Variants in MAP3K11 observed in about 807,000 individuals in gnomAD.
MAP3K11 encodes the protein mitogen-activated protein kinase kinase kinase 11, also known as SH3 domain-containing proline-rich kinase.
Under a neutral mutation model 84.9 loss-of-function variants are expected in MAP3K11, and 46 were observed. The observed-to-expected ratio is 0.54, with a 90% CI of 0.43 to 0.69. The LOEUF is 0.69. Ranked by LOEUF, MAP3K11 falls within the 30% of genes least tolerant of loss-of-function variation. The pLI, the probability that MAP3K11 is intolerant of heterozygous loss-of-function variation, is 0.00. For synonymous variants in MAP3K11, 527 were observed against 514.7 expected, an observed-to-expected ratio of 1.02 and a Z score of -0.32; for missense variants, 1,053 against 1,198.3, an observed-to-expected ratio of 0.88 and a Z score of 1.79.
rs139170020 is a variant in MAP3K11, at chr11:65,608,295, G to A, written c.893C>T (p.Thr298Ile). The change falls in exon 2 of 10, where the codon ACC becomes ATC. Residue 298 changes from threonine to isoleucine, a missense_variant. Thr to Ile is a moderately conservative substitution (Grantham distance 89). Coordinates refer to ENST00000309100, the MANE Select transcript of MAP3K11 (RefSeq NM_002419.4). ...WMAPEVIKAS[T>I]FSKGSDVWSF... ...CCAGACGTCACTGCCCTTAGAGAAGGTGGAGGCCTTGATAACCTCAGGAGC... is the reference window on the plus strand; with the variant it reads ...CCAGACGTCACTGCCCTTAGAGAAGATGGAGGCCTTGATAACCTCAGGAGC... 1.9e-6 allele frequency: 3 copies of A among 1,614,070 alleles called. No individual in the cohort carries two copies. Among genetic ancestry groups the A allele is most frequent in the South Asian group, 1.1e-5 (1 of 91,090 alleles).
At position 65,607,358 on chromosome 11, in the gene MAP3K11, C is replaced by T. The variant is rs760647641; in HGVS notation, c.1401G>A (p.Glu467=). ...CGCGGCGGCGGCGCACGTGCGGTCG[C>T]TCGCGGTCCACCTGCTGCAGCAGCA... ...LTLLLQQVDR[E]RPHVRRRRGT... The change falls in exon 5 of 10, where the codon GAG becomes GAA. Residue 467 remains glutamate, a synonymous_variant. Transcript: ENST00000309100. 137 of 1,499,850 alleles carry T rather than the reference C, an allele frequency of 9.1e-5. No homozygotes were observed. The highest frequency in any genetic ancestry group is 1.1e-4 in the Non-Finnish European group (126 of 1,132,732). The allele number at this position is 1,499,850 out of a possible 1,614,324, so 92.9% of individuals were successfully genotyped here. A position where few individuals can be genotyped will look rare whatever the true frequency, so the allele number is the denominator to read the frequency against.
At chr11:65,598,837 C>T (rs1478012022) in intron 9 of MAP3K11, among the ~76,000 whole-genome samples, 3 of 152,140 alleles carry the variant, frequency 2.0e-5, no homozygotes, top group Non-Finnish European at 4.4e-5. Context: ...ATGTGGATCC[C>T]GGCCCTGCCA....
chr11:65,607,951 C>T lies in MAP3K11; in HGVS notation c.1040G>A (p.Cys347Tyr). 4.3e-6 allele frequency: 7 copies of T among 1,614,148 alleles called. No homozygotes were observed. Among genetic ancestry groups the T allele is most frequent in the Middle Eastern group, 1.6e-4 (1 of 6,062 alleles). ...NKLTLPIPST[C>Y]PEPFAQLMAD... is the part of the protein sequence containing the mutation. ...CATAAGCTGTGCGAAGGGCTCGGGG[C>T]AGGTGGATGGGATGGGCAGTGTGAG... Residue 347 changes from cysteine (C) to tyrosine (Y), a missense_variant, in exon 3 of 10, where the codon TGC becomes TAC. Cys to Tyr is a radical substitution (Grantham distance 194). This residue lies in a region of MAP3K11 where 310 missense variants were observed against 464.5 expected (regional missense o/e 0.67). Coordinates refer to ENST00000309100, the MANE Select transcript of MAP3K11 (RefSeq NM_002419.4).
At position 65,605,740 on chromosome 11, in the gene MAP3K11, CG is replaced by C; in HGVS notation, c.1831+20del. 2 of 1,578,016 alleles carry C rather than the reference CG, an allele frequency of 1.3e-6. No homozygotes were observed. Among genetic ancestry groups the C allele is most frequent in the Non-Finnish European group, 1.7e-6 (2 of 1,157,630 alleles). On this transcript the variant is annotated intron_variant, in intron 8 of 9. Transcript: ENST00000309100. Reference sequence around the variant, plus strand: ...CGGAAGGAGCTCAGCCAGATCCTGCCGGGGGAGGAAGGCCACTCACCATTGA... The same window carrying C: ...CGGAAGGAGCTCAGCCAGATCCTGCCGGGGAGGAAGGCCACTCACCATTGA...
intron 1 of MAP3K11, 160 bp from the exon 2 acceptor site, chr11:65,608,608 C>T: frequency 3.3e-6 from 2 of 599,054 alleles, no homozygotes; most frequent in South Asian, 4.3e-5. Context: ...TCAGACATTT[C>T]TTTTCTTTTC....
Position 65,608,003 on chromosome 11 carries a change from C to A in MAP3K11, c.988G>T (p.Val330Leu), listed in dbSNP as rs371575835. 2 of 1,614,090 alleles carry A rather than the reference C, an allele frequency of 1.2e-6. No individual in the cohort carries two copies. The highest frequency in any genetic ancestry group is 2.7e-5 in the African/African-American group (2 of 74,942). ...VPYRGIDCLA[V>L]AYGVAVNKLT... ...TTGTTAACAGCTACGCCATAGGCCA[C>A]AGCAAGGCAGTCAATGCCACGGTAT... Residue 330 changes from valine to leucine, a missense_variant, in exon 3 of 10, where the codon GTG becomes TTG. Coordinates refer to ENST00000309100, the MANE Select transcript of MAP3K11 (RefSeq NM_002419.4).
intron 8 of MAP3K11, among the ~76,000 whole-genome samples, chr11:65,601,507 A>G (rs1221269006): frequency 2.6e-5 from 4 of 152,222 alleles, no homozygotes; most frequent in African/African-American, 9.6e-5. Flanking sequence ...CTGCAATCCC[A>G]GCACTTTGGG....
Position 65,613,586 on chromosome 11 carries a change from C to T in MAP3K11, c.171G>A (p.Gln57=), listed in dbSNP as rs1380129678. The T allele has an allele frequency of 6.2e-7, 1 of 1,613,006 alleles. No homozygotes were observed. Among genetic ancestry groups the T allele is most frequent in the African/African-American group, 1.3e-5 (1 of 74,948 alleles). Reference sequence around the variant, plus strand: ...CACCCTTCCTCAGGGCCAGCTCATCCTGCCCACTGGGCTCGTAGTCGAACA... The same window carrying T: ...CACCCTTCCTCAGGGCCAGCTCATCTTGCCCACTGGGCTCGTAGTCGAACA... ...TALFDYEPSG[Q]DELALRKGDR... The change falls in exon 1 of 10, where the codon CAG becomes CAA. Residue 57 remains glutamine (Q), a synonymous_variant. Coordinates refer to ENST00000309100, the MANE Select transcript of MAP3K11 (RefSeq NM_002419.4).
rs1734544111 is a variant in MAP3K11, at chr11:65,597,823, C to G, written c.*468G>C. Reference sequence around the variant, plus strand: ...TGGATCCCGAGGCTAAGACTCCAACCCTGGCTGGGGCAGCAGGAAGGCATC... The same window carrying G: ...TGGATCCCGAGGCTAAGACTCCAACGCTGGCTGGGGCAGCAGGAAGGCATC... On this transcript the variant is annotated 3_prime_UTR_variant, in exon 10 of 10. Transcript: ENST00000309100. 1 of 158,622 alleles carries G rather than the reference C, an allele frequency of 6.3e-6. No homozygotes were observed. The highest frequency in any genetic ancestry group is 1.4e-5 in the Non-Finnish European group (1 of 72,520). The allele number at this position is 158,622 out of a possible 1,614,324, so 9.8% of individuals were successfully genotyped here.
Position 65,613,922 on chromosome 11 carries a change from C to T in MAP3K11, c.-166G>A, listed in dbSNP as rs1409612237. ...GGAGCCAGGAGTGTTGTCTCCCGGC[C>T]CCCCGCATCTCGGGCTTCTGGAGGA... is the stretch of plus-strand genomic sequence containing the variant. On this transcript the variant is annotated 5_prime_UTR_variant, in exon 1 of 10. Transcript: ENST00000309100. 6 of 831,088 alleles carry T rather than the reference C, an allele frequency of 7.2e-6. No homozygotes were observed. The Admixed American group carries it at 1.3e-4, about 18-fold the overall frequency. The allele number at this position is 831,088 out of a possible 1,614,324, so 51.5% of individuals were successfully genotyped here. A position where few individuals can be genotyped will look rare whatever the true frequency, so the allele number is the denominator to read the frequency against.
chr11:65,603,538 TGA>T (rs1222058006), intron 8 of MAP3K11, among the ~76,000 whole-genome samples: 6 of 152,358 alleles, frequency 3.9e-5, no homozygotes, highest in East Asian at 1.9e-4. Context: ...AGGGTGTGTG[TGA>T]CTCTCCAGTG....
Position 65,599,540 on chromosome 11 carries a change from G to C in MAP3K11, c.2060C>G (p.Pro687Arg). 1 of 1,488,212 alleles carries C rather than the reference G, an allele frequency of 6.7e-7. No individual in the cohort carries two copies. The allele number at this position is 1,488,212 out of a possible 1,614,324, so 92.2% of individuals were successfully genotyped here. ...TPPTPTPAPC[P>R]TEPPPSPLIC... is the part of the protein sequence containing the mutation. ...GAGCGGGGAAGGGGGCGGCTCGGTC[G>C]GGCAGGGCGCGGGCGTTGGCGTGGG... Residue 687 changes from proline (P) to arginine (R), a missense_variant, in exon 9 of 10, where the codon CCG (proline) becomes CGG (arginine). Transcript: ENST00000309100.
intron 8 of MAP3K11, among the ~76,000 whole-genome samples, chr11:65,602,449 C>T (rs1242953433): frequency 6.6e-6 from 1 of 152,094 alleles, no homozygotes; most frequent in Non-Finnish European, 1.5e-5. Flanking sequence ...AGTTCGGGAC[C>T]AGCCTGGTCA....
Position 65,613,760 on chromosome 11 carries a change from C to A in MAP3K11, c.-4G>T. On this transcript the variant is annotated 5_prime_UTR_variant, in exon 1 of 10. Transcript: ENST00000309100. ...AGAGGCTCTTCAAGGGCTCCATGGC[C>A]GGGAGCCGGCGCTGGGATGTGTGGA... The A allele has an allele frequency of 6.5e-7, 1 of 1,538,396 alleles. No individual in the cohort carries two copies. The highest frequency in any genetic ancestry group is 1.2e-5 in the South Asian group (1 of 81,430).
At position 65,612,726 on chromosome 11, in the gene MAP3K11, T is replaced by C. The variant is rs114123593; in HGVS notation, c.739+292A>G. The C allele has an allele frequency of 2.2e-3, 709 of 320,592 alleles. 4 individuals carry two copies. Among genetic ancestry groups the C allele is most frequent in the African/African-American group, 0.013 (602 of 47,012 alleles). The allele number at this position is 320,592 out of a possible 1,614,324, so 19.9% of individuals were successfully genotyped here. On this transcript the variant is annotated intron_variant, in intron 1 of 9. Coordinates refer to ENST00000309100, the MANE Select transcript of MAP3K11 (RefSeq NM_002419.4). Reference sequence around the variant, plus strand: ...GAGGACTTCCTTGAGGTGGGAGCCATGGCTGGGCAGGATGCTTATGGCCCA... The same window carrying C: ...GAGGACTTCCTTGAGGTGGGAGCCACGGCTGGGCAGGATGCTTATGGCCCA...
intron 6 of MAP3K11, 56 bp downstream of exon 6, chr11:65,606,635 G>T: frequency 7.6e-7 from 1 of 1,320,444 alleles, no homozygotes; most frequent in South Asian, 1.4e-5. Flanking sequence ...AATAAGGTCT[G>T]ACAGAGAATA....
At chr11:65,598,777 C>A in intron 9 of MAP3K11, 149 bp from the exon 10 acceptor site, 1 of 549,414 alleles carries the variant, frequency 1.8e-6, no homozygotes, top group Non-Finnish European at 3.0e-6. Flanking sequence ...CGTGGTGCCT[C>A]TGTTTTTTGT....
rs1005768321 is a variant in MAP3K11, at chr11:65,605,825, T to C, written c.1767A>G (p.Thr589=). The C allele has an allele frequency of 6.8e-6, 11 of 1,612,936 alleles. No homozygotes were observed. Among genetic ancestry groups the C allele is most frequent in the Admixed American group, 6.7e-5 (4 of 59,852 alleles). The stretch of plus-strand genomic sequence containing the variant: ...ATGAGTCATCTGAATCCAGGTACCA[T>C]GTGGCTTCGTCCATGCGGGACCTTC... ...GRRRSRMDEA[T]WYLDSDDSSP... Residue 589 remains threonine, a synonymous_variant, in exon 8 of 10, where the codon ACA becomes ACG. Coordinates refer to ENST00000309100, the MANE Select transcript of MAP3K11 (RefSeq NM_002419.4).
At position 65,614,039 on chromosome 11, in the gene MAP3K11, C is replaced by T. The variant is rs541445862; in HGVS notation, c.-283G>A. Reference sequence around the variant, plus strand: ...GCTAGCTTGGAGGGACCCGAGCTTCCCTCGGTTCTGGAGCAGTCCTGGGAG... The same window carrying T: ...GCTAGCTTGGAGGGACCCGAGCTTCTCTCGGTTCTGGAGCAGTCCTGGGAG... On this transcript the variant is annotated 5_prime_UTR_variant, in exon 1 of 10. Transcript: ENST00000309100. 4.4e-6 allele frequency: 2 copies of T among 452,224 alleles called. No homozygotes were observed. The highest frequency in any genetic ancestry group is 6.6e-5 in the South Asian group (2 of 30,136). The allele number at this position is 452,224 out of a possible 1,614,324, so 28.0% of individuals were successfully genotyped here.
Sources: allele counts gnomAD v4.1 joint callset (sites outside exome capture counted in the v4.1 genomes callset), GRCh38; gene constraint gnomAD v4.1.1; regional missense constraint gnomAD v4.1.1; transcripts MANE v1.5; gene names NCBI Gene and HGNC (gene_info 2026-07-23, HGNC 2026-07-21).